The following KCNH1 variants were observed in gnomAD, a reference collection of about 807,000 sequenced individuals.
The protein encoded by KCNH1 is voltage-gated delayed rectifier potassium channel KCNH1.
Under a neutral mutation model 69.2 loss-of-function variants are expected in KCNH1, and 27 were observed. The ratio of observed to expected loss-of-function variants is 0.39; its 90% CI spans 0.29 to 0.54. KCNH1 has a LOEUF of 0.54. Among genes scored for constraint, KCNH1 ranks in the 20% least tolerant of loss-of-function variants. KCNH1 has a pLI of 0.68. For missense variants in KCNH1, 798 were observed against 1,261.6 expected, an observed-to-expected ratio of 0.63 and a Z score of 5.57; for synonymous variants, 456 against 487.7, an observed-to-expected ratio of 0.93 and a Z score of 0.86.
intron 5 of KCNH1, among the ~76,000 whole-genome samples, chr1:211,035,227 A>C (rs1249722830): frequency 7.2e-6 from 1 of 139,364 alleles, no homozygotes; most frequent in Non-Finnish European, 1.5e-5. Flanking sequence ...ACCATAGGGT[A>C]CTGGCATTCT....
intron 6 of KCNH1, among the ~76,000 whole-genome samples, chr1:210,922,036 T>G (rs1043529535): frequency 1.3e-5 from 2 of 151,886 alleles, no homozygotes; most frequent in African/African-American, 4.8e-5. Flanking sequence ...GCCACACAAA[T>G]TACTTTTGTT....
At chr1:211,015,197 T>C (rs1023717591) in intron 6 of KCNH1, among the ~76,000 whole-genome samples, 2 of 152,160 alleles carry the variant, frequency 1.3e-5, no homozygotes, top group Non-Finnish European at 2.9e-5. Flanking sequence ...GTGTCCAACT[T>C]CTCTACCACA....
intron 6 of KCNH1, among the ~76,000 whole-genome samples, chr1:210,963,437 T>C (rs569440662): frequency 6.6e-6 from 1 of 152,044 alleles, no homozygotes; most frequent in Admixed American, 6.6e-5. Flanking sequence ...GGAGAATGAG[T>C]TTGACAAATT....
chr1:211,076,478 G>C (rs984587591), intron 5 of KCNH1, among the ~76,000 whole-genome samples: 1 of 152,228 alleles, frequency 6.6e-6, no homozygotes, highest in African/African-American at 2.4e-5. Context: ...ATCTGGAATG[G>C]ACCTCCAGCA....
intron 10 of KCNH1, among the ~76,000 whole-genome samples, chr1:210,691,424 T>G (rs1681525933): frequency 6.6e-6 from 1 of 152,152 alleles, no homozygotes; most frequent in Non-Finnish European, 1.5e-5. Context: ...ATTATCCTCA[T>G]TTTTCAAATA....
intron 6 of KCNH1, among the ~76,000 whole-genome samples, chr1:210,959,566 G>A (rs1466767704): frequency 1.3e-5 from 2 of 152,140 alleles, no homozygotes; most frequent in Non-Finnish European, 2.9e-5. Flanking sequence ...GCTGCAGTTC[G>A]AGCTTCCCAG....
At chr1:211,056,124 C>A (rs1218884011) in intron 5 of KCNH1, among the ~76,000 whole-genome samples, 1 of 152,160 alleles carries the variant, frequency 6.6e-6, no homozygotes, top group Non-Finnish European at 1.5e-5. Flanking sequence ...CCTGGGATCC[C>A]CGATTCATGG....
intron 7 of KCNH1, among the ~76,000 whole-genome samples, chr1:210,836,345 A>C (rs1017843311): frequency 6.6e-6 from 1 of 152,174 alleles, no homozygotes; most frequent in African/African-American, 2.4e-5. Context: ...AATCTAATTT[A>C]AGAGATTGCA....
At chr1:211,128,536 G>A (rs1691824118) in intron 1 of KCNH1, among the ~76,000 whole-genome samples, 1 of 152,080 alleles carries the variant, frequency 6.6e-6, no homozygotes, top group Admixed American at 6.6e-5. Context: ...CCTTTAGGAG[G>A]AGAGTGAGGG....
chr1:211,092,157 T>C (rs775631810), intron 3 of KCNH1, among the ~76,000 whole-genome samples: 4 of 152,202 alleles, frequency 2.6e-5, no homozygotes, highest in Non-Finnish European at 4.4e-5. Context: ...ATATATTATT[T>C]TGTGAGATAG....
At chr1:210,774,159 A>C (rs563734969) in intron 10 of KCNH1, among the ~76,000 whole-genome samples, 1 of 152,234 alleles carries the variant, frequency 6.6e-6, no homozygotes, top group South Asian at 2.1e-4. Context: ...AAATGTGCAG[A>C]TATTATCCCT....
At chr1:211,060,455 T>C (rs1232148326) in intron 5 of KCNH1, among the ~76,000 whole-genome samples, 2 of 127,468 alleles carry the variant, frequency 1.6e-5, no homozygotes, top group Admixed American at 7.7e-5. Context: ...AAACCAAGCC[T>C]AAAATCAGTA....
At chr1:210,988,023 G>C (rs566364490) in intron 6 of KCNH1, among the ~76,000 whole-genome samples, 3 of 152,316 alleles carry the variant, frequency 2.0e-5, no homozygotes, top group African/African-American at 7.2e-5. Flanking sequence ...CTTGCAGTTT[G>C]ATCTCAGACT....
intron 3 of KCNH1, among the ~76,000 whole-genome samples, chr1:211,092,871 A>G (rs967172548): frequency 1.3e-5 from 2 of 151,892 alleles, no homozygotes; most frequent in African/African-American, 4.8e-5. Context: ...TTTTCAGATG[A>G]TAAACCAGAA....
chr1:210,789,251 C>T (rs1684169242), intron 9 of KCNH1, among the ~76,000 whole-genome samples: 1 of 152,224 alleles, frequency 6.6e-6, no homozygotes, highest in Admixed American at 6.5e-5. Flanking sequence ...CCTCTCCATA[C>T]TCAGCTTACA....
chr1:210,984,974 T>G (rs1178988863), intron 6 of KCNH1, among the ~76,000 whole-genome samples: 2 of 152,214 alleles, frequency 1.3e-5, no homozygotes, highest in Non-Finnish European at 2.9e-5. Context: ...CTGTTATTGG[T>G]CTATTCAGAG....
intron 7 of KCNH1, among the ~76,000 whole-genome samples, chr1:210,889,917 T>C (rs1264285202): frequency 6.6e-6 from 1 of 152,170 alleles, no homozygotes; most frequent in African/African-American, 2.4e-5. Context: ...TGGAAGAATA[T>C]TCCATGCTCA....
intron 6 of KCNH1, among the ~76,000 whole-genome samples, chr1:210,938,331 C>A (rs892030342): frequency 6.6e-6 from 1 of 152,108 alleles, no homozygotes; most frequent in African/African-American, 2.4e-5. Context: ...TAGAAACACA[C>A]GTTAAATACT....
At chr1:211,002,847 C>G (rs999749592) in intron 6 of KCNH1, among the ~76,000 whole-genome samples, 1 of 151,930 alleles carries the variant, frequency 6.6e-6, no homozygotes, top group Non-Finnish European at 1.5e-5. Flanking sequence ...AAGAGTCAAC[C>G]GGGGTGTCCT....
Sources: gnomAD v4.1 joint callset for allele counts (sites outside exome capture counted in the v4.1 genomes callset) on GRCh38, gnomAD v4.1.1 for gene constraint, MANE v1.5 for transcripts, NCBI Gene and HGNC (gene_info 2026-07-23, HGNC 2026-07-21) for gene names.